The following PBX1 variants were observed in gnomAD, a reference collection of about 807,000 sequenced individuals.
PBX1 encodes the protein pre-B-cell leukemia transcription factor 1.
In PBX1, 6 loss-of-function variants were observed where a neutral mutation model predicts 53.4. That is an observed-to-expected ratio of 0.11 (90% CI 0.06 to 0.22). The LOEUF (loss-of-function observed/expected upper bound fraction) is 0.22. Ranked by LOEUF, PBX1 falls within the 10% of genes least tolerant of loss-of-function variation. PBX1 has a pLI of 1.00. For missense variants in PBX1, 251 were observed against 551.4 expected, an observed-to-expected ratio of 0.46 and a Z score of 5.46; for synonymous variants, 204 against 212.3, an observed-to-expected ratio of 0.96 and a Z score of 0.34.
At chr1:164,713,879 G>A (rs10494420) in intron 2 of PBX1, among the ~76,000 whole-genome samples, 23,452 of 152,112 alleles carry the variant, frequency 0.15, 2,285 homozygotes, top group South Asian at 0.28. Context: ...ATGATATGTC[G>A]AAGCAGGAAG....
chr1:164,693,079 C>T (rs1459313116), intron 2 of PBX1, among the ~76,000 whole-genome samples: 1 of 152,318 alleles, frequency 6.6e-6, no homozygotes, highest in East Asian at 1.9e-4. Context: ...GTGTGTGCCC[C>T]ACAGGCCTCT....
intron 2 of PBX1, among the ~76,000 whole-genome samples, chr1:164,662,294 TC>T (rs1417585258): frequency 2.6e-5 from 4 of 152,138 alleles, no homozygotes; most frequent in Non-Finnish European, 5.9e-5. Context: ...CCACTGCACT[TC>T]AGCCTGGGCA....
At chr1:164,782,019 C>T (rs1667956660) in intron 2 of PBX1, among the ~76,000 whole-genome samples, 3 of 152,146 alleles carry the variant, frequency 2.0e-5, no homozygotes, top group African/African-American at 7.2e-5. Context: ...CTAAAGCAAA[C>T]AAAACAAAAC....
chr1:164,880,724 C>CCCCCTCCCAAGCCCTCTAGTGTGT (rs1462337820), intron 2 of PBX1, among the ~76,000 whole-genome samples: 2 of 152,194 alleles, frequency 1.3e-5, no homozygotes, highest in African/African-American at 4.8e-5. Context: ...ACTCTTGCTG[C>CCCCCTCCCAAGCCCTCTAGTGTGT]CCCCTCCCAA....
At chr1:164,633,612 CT>C (rs1452444225) in intron 2 of PBX1, among the ~76,000 whole-genome samples, 6 of 152,276 alleles carry the variant, frequency 3.9e-5, no homozygotes, top group Admixed American at 6.5e-5. Flanking sequence ...TTACCTGAGC[CT>C]TTCCCTGCAG....
intron 2 of PBX1, chr1:164,682,049 T>C (rs1403487490): frequency 6.6e-6 from 1 of 152,218 alleles, no homozygotes; most frequent in Non-Finnish European, 1.5e-5. Flanking sequence ...AAGTACTCTA[T>C]AAAAATGTAT....
In PBX1 at chr1:164,663,276, G is replaced by C. The variant is rs575451207; in HGVS notation, c.265+99965G>C. ...TGCCTGCCTGCCTGCCTGCCTGCCTGCCTGCCTTCCTACCTGCCTGCCTTC... is the reference window on the plus strand; with the variant it reads ...TGCCTGCCTGCCTGCCTGCCTGCCTCCCTGCCTTCCTACCTGCCTGCCTTC... On this transcript the variant is annotated intron_variant, in intron 2 of 8. Transcript: ENST00000420696. 6.5e-3 allele frequency among the ~76,000 whole-genome samples: 957 copies of C among 146,154 alleles called. 9 individuals are homozygous for C. Among genetic ancestry groups the C allele is most frequent in the African/African-American group, 0.023 (917 of 39,444 alleles).
intron 2 of PBX1, among the ~76,000 whole-genome samples, chr1:164,744,983 A>C (rs976828063): frequency 2.0e-4 from 30 of 152,276 alleles, no homozygotes; most frequent in Admixed American, 1.9e-3. Context: ...TTACAAGGTA[A>C]TGTTTTTATT....
intron 2 of PBX1, among the ~76,000 whole-genome samples, chr1:164,732,210 A>T (rs1665028380): frequency 6.6e-6 from 1 of 152,186 alleles, no homozygotes; most frequent in African/African-American, 2.4e-5. Flanking sequence ...TTGGAACAGA[A>T]ATAAACTTCT....
chr1:164,787,427 C>T (rs544071991), intron 2 of PBX1, among the ~76,000 whole-genome samples: 21 of 152,286 alleles, frequency 1.4e-4, no homozygotes, highest in Admixed American at 3.9e-4. Context: ...GGCATTCCCC[C>T]AGCATGAACC....
intron 2 of PBX1, among the ~76,000 whole-genome samples, chr1:164,638,467 A>T (rs140980303): frequency 2.8e-4 from 42 of 152,354 alleles, no homozygotes; most frequent in African/African-American, 4.1e-4. Context: ...AAGCAGGAAG[A>T]GGAATCTTTG....
intron 2 of PBX1, among the ~76,000 whole-genome samples, chr1:164,610,127 G>A (rs749700365): frequency 6.6e-6 from 1 of 152,276 alleles, no homozygotes; most frequent in South Asian, 2.1e-4. Context: ...GGTGGCCGCC[G>A]CCTCCTTTGC....
At chr1:164,836,660 C>A (rs1468315761) in intron 8 of PBX1, among the ~76,000 whole-genome samples, 1 of 152,162 alleles carries the variant, frequency 6.6e-6, no homozygotes, top group African/African-American at 2.4e-5. Flanking sequence ...ATCCCCCACC[C>A]CCAAGCCTGG....
At chr1:164,579,869 G>A (rs1418710545) in intron 2 of PBX1, among the ~76,000 whole-genome samples, 2 of 152,118 alleles carry the variant, frequency 1.3e-5, no homozygotes, top group South Asian at 2.1e-4. Flanking sequence ...AATGTGTTAG[G>A]TACAGCGCTA....
chr1:164,602,428 G>A (rs952740241), intron 2 of PBX1, among the ~76,000 whole-genome samples: 6 of 152,284 alleles, frequency 3.9e-5, no homozygotes, highest in Admixed American at 6.5e-5. Context: ...GATTGTTTTA[G>A]TGGGGTTTTA....
chr1:164,778,284 G>A (rs1306792299), intron 2 of PBX1, among the ~76,000 whole-genome samples: 1 of 152,170 alleles, frequency 6.6e-6, no homozygotes, highest in Non-Finnish European at 1.5e-5. Context: ...AAAAAAAAGT[G>A]TTTGCACAAC....
rs1196365547 is a variant in PBX1, at chr1:164,849,284, C to CGTG, written c.*2608_*2609insGTG. ...CCGGGCCGTAGTTTTCACTGATGATCACCTTTCACAGCATTTTCCCCAACC... is the reference window on the plus strand; with the variant it reads ...CCGGGCCGTAGTTTTCACTGATGATCGTGACCTTTCACAGCATTTTCCCCAACC... On this transcript the variant is annotated 3_prime_UTR_variant, in exon 9 of 9. Transcript: ENST00000420696. 1.3e-6 allele frequency: 2 copies of CGTG among 1,533,238 alleles called. No individual in the cohort carries two copies. Among genetic ancestry groups the CGTG allele is most frequent in the African/African-American group, 2.7e-5 (2 of 72,998 alleles). The allele number at this position is 1,533,238 out of a possible 1,614,324, so 95.0% of individuals were successfully genotyped here.
chr1:164,795,558 A>G (rs934389592), intron 3 of PBX1, among the ~76,000 whole-genome samples: 1 of 152,232 alleles, frequency 6.6e-6, no homozygotes, highest in African/African-American at 2.4e-5. Flanking sequence ...TAAAAGTACT[A>G]AAATATCATC....
intron 2 of PBX1, among the ~76,000 whole-genome samples, chr1:164,653,625 C>G (rs1005522022): frequency 6.6e-6 from 1 of 152,126 alleles, no homozygotes; most frequent in Non-Finnish European, 1.5e-5. Context: ...CAAAAATTAG[C>G]CAGGCGTGGT....
Sources: gnomAD v4.1 joint callset for allele counts (sites outside exome capture counted in the v4.1 genomes callset) on GRCh38, gnomAD v4.1.1 for gene constraint, MANE v1.5 for transcripts, NCBI Gene and HGNC (gene_info 2026-07-23, HGNC 2026-07-21) for gene names.